NME1: variants seen among roughly 807,000 people sequenced by gnomAD.
The protein encoded by NME1 is nucleoside diphosphate kinase A.
A neutral mutation model predicts 17.2 loss-of-function variants in NME1; 9 were observed. That is an observed-to-expected ratio of 0.52 (90% CI 0.32 to 0.92). The LOEUF (loss-of-function observed/expected upper bound fraction) is 0.92. Ranked by LOEUF, NME1 falls within the 40% of genes least tolerant of loss-of-function variation. The probability of loss-of-function intolerance (pLI) is 0.04; values close to 1 mark genes in which losing one functional copy is unlikely to be tolerated. For missense variants in NME1, 169 were observed against 201.7 expected (o/e 0.84, Z 0.98); for synonymous variants, 72 against 70.8 (o/e 1.02, Z -0.09).
intron 1 of NME1, chr17:51,154,397 G>C (rs1433503341): frequency 6.2e-7 from 1 of 1,613,994 alleles, no homozygotes; most frequent in Non-Finnish European, 8.5e-7. Context: ...CTACTTTAGG[G>C]ATCGTCTTTC....
At chr17:51,159,355 CT>C (rs2049831695) in intron 2 of NME1, among the ~76,000 whole-genome samples, 1 of 152,184 alleles carries the variant, frequency 6.6e-6, no homozygotes, top group Non-Finnish European at 1.5e-5. Flanking sequence ...AGTCCCGGCC[CT>C]TTGGGAGGCC....
At chr17:51,160,931 G>C (rs2049856071) in intron 3 of NME1, among the ~76,000 whole-genome samples, 1 of 152,106 alleles carries the variant, frequency 6.6e-6, no homozygotes, top group Non-Finnish European at 1.5e-5. Context: ...TTTTAAGGAG[G>C]CTGCTCTGGT....
intron 3 of NME1, chr17:51,160,700 C>T: frequency 3.7e-6 from 1 of 271,678 alleles, no homozygotes. Context: ...AGCTCCACCT[C>T]CCGGGTTCAC....
intron 1 of NME1, chr17:51,154,347 TA>T (rs1430818108): frequency 1.2e-6 from 2 of 1,611,338 alleles, no homozygotes; most frequent in African/African-American, 2.7e-5. Flanking sequence ...AGAGGTTAAC[TA>T]AAGGACAGGA....
Position 51,155,704 on chromosome 17 carries a change from A to T in NME1, c.50A>T (p.Gln17Leu). Residue 17 changes from glutamine to leucine, a missense_variant, in exon 2 of 5, where the codon CAG (glutamine) becomes CTG (leucine). Transcript: ENST00000393196. ...ATTGCGATCAAACCAGATGGGGTCC[A>T]GCGGGGTCTTGTGGGAGAGATTATC... The part of the protein sequence containing the change: ...TFIAIKPDGV[Q>L]RGLVGEIIKR... 2 of 1,614,212 alleles carry T rather than the reference A, an allele frequency of 1.2e-6. No homozygotes were observed. The highest frequency in any genetic ancestry group is 1.3e-5 in the African/African-American group (1 of 75,072).
Position 51,162,010 on chromosome 17 carries a change from T to G in NME1, c.*165T>G. On this transcript the variant is annotated 3_prime_UTR_variant, in exon 5 of 5. Transcript: ENST00000393196. Reference sequence around the variant, plus strand: ...TGTACAGTGTTACCATCCCCGACCATCTGATTAAAATGCTTCCTCCCAGCA... The same window carrying G: ...TGTACAGTGTTACCATCCCCGACCAGCTGATTAAAATGCTTCCTCCCAGCA... 1 of 610,380 alleles carries G rather than the reference T, an allele frequency of 1.6e-6. No individual in the cohort carries two copies. The highest frequency in any genetic ancestry group is 2.9e-6 in the Non-Finnish European group (1 of 339,524). The allele number at this position is 610,380 out of a possible 1,614,324, so 37.8% of individuals were successfully genotyped here.
intron 2 of NME1, among the ~76,000 whole-genome samples, chr17:51,158,205 G>A (rs1172952988): frequency 2.0e-5 from 3 of 152,178 alleles, no homozygotes; most frequent in East Asian, 1.9e-4. Flanking sequence ...GCTTGAACTC[G>A]GGAGGTGGAG....
chr17:51,156,745 A>G (rs571376127), intron 2 of NME1, among the ~76,000 whole-genome samples: 2 of 152,150 alleles, frequency 1.3e-5, no homozygotes, highest in Admixed American at 6.5e-5. Flanking sequence ...TACAAAAATT[A>G]GCCAGGCGTG....
In NME1 at chr17:51,160,244, A is replaced by G. The variant is rs555306734; in HGVS notation, c.228+163A>G. 1.7e-5 allele frequency: 13 copies of G among 775,846 alleles called. No homozygotes were observed. In the South Asian group the frequency reaches 1.7e-4, roughly 10 times the overall value. The allele number at this position is 775,846 out of a possible 1,614,324, so 48.1% of individuals were successfully genotyped here. On this transcript the variant is annotated intron_variant, in intron 3 of 4. Transcript: ENST00000393196. ...TAGGCTTCAGAAATGAAATATGCCCAGAAATGAATAGGAGTAGCAAATGAT... is the reference window on the plus strand; with the variant it reads ...TAGGCTTCAGAAATGAAATATGCCCGGAAATGAATAGGAGTAGCAAATGAT...
intron 2 of NME1, among the ~76,000 whole-genome samples, chr17:51,159,087 CCTT>C (rs2049827761): frequency 6.6e-6 from 1 of 152,132 alleles, no homozygotes; most frequent in South Asian, 2.1e-4. Context: ...TTCCTGGTGT[CCTT>C]CTAACATTTT....
At chr17:51,158,545 A>G (rs989887662) in intron 2 of NME1, among the ~76,000 whole-genome samples, 1 of 152,246 alleles carries the variant, frequency 6.6e-6, no homozygotes, top group Non-Finnish European at 1.5e-5. Flanking sequence ...CTTCCACAAC[A>G]AAAGTCTTCC....
At chr17:51,155,623 T>C in intron 1 of NME1, 28 bp from the exon 2 acceptor site, 1 of 1,612,732 alleles carries the variant, frequency 6.2e-7, no homozygotes, top group South Asian at 1.1e-5. Flanking sequence ...TTCACTGCTG[T>C]TTCATTCCTC....
intron 2 of NME1, 93 bp from the exon 3 acceptor site, chr17:51,159,887 T>G (rs2049839945): frequency 1.3e-6 from 2 of 1,482,818 alleles, no homozygotes; most frequent in Non-Finnish European, 9.4e-7. Context: ...ACCGCTCATG[T>G]TTTACATAGC....
chr17:51,161,977 G>C lies in NME1; in HGVS notation c.*132G>C. The C allele has an allele frequency of 1.4e-6, 1 of 714,490 alleles. No homozygotes were observed. The highest frequency in any genetic ancestry group is 2.5e-6 in the Non-Finnish European group (1 of 395,540). 44.3% of individuals were successfully genotyped at this position (714,490 alleles called of 1,614,324 possible). On this transcript the variant is annotated 3_prime_UTR_variant, in exon 5 of 5. Transcript: ENST00000393196. ...TGGAGGGAAGCTCTTGGAGCTGTGAGTTCTCCCTGTACAGTGTTACCATCC... is the reference window on the plus strand; with the variant it reads ...TGGAGGGAAGCTCTTGGAGCTGTGACTTCTCCCTGTACAGTGTTACCATCC...
Position 51,160,045 on chromosome 17 carries a change from G to A in NME1, c.192G>A (p.Leu64=). 1 of 1,614,164 alleles carries A rather than the reference G, an allele frequency of 6.2e-7. No homozygotes were observed. The highest frequency in any genetic ancestry group is 8.5e-7 in the Non-Finnish European group (1 of 1,180,022). ...AGGACCGTCCATTCTTTGCCGGCCT[G>A]GTGAAATACATGCACTCAGGGCCGG... ...DLKDRPFFAG[L]VKYMHSGPVV... The change falls in exon 3 of 5, where the codon CTG becomes CTA. Residue 64 remains leucine (L), a synonymous_variant. Transcript: ENST00000393196.
intron 1 of NME1, among the ~76,000 whole-genome samples, chr17:51,155,115 G>T (rs1056785941): frequency 1.3e-5 from 2 of 150,778 alleles, no homozygotes; most frequent in African/African-American, 2.4e-5. Flanking sequence ...GTGGTGGCAC[G>T]CACCTGTAGT....
At position 51,162,060 on chromosome 17, in the gene NME1, C is replaced by T; in HGVS notation, c.*215C>T. 1 of 531,582 alleles carries T rather than the reference C, an allele frequency of 1.9e-6. No individual in the cohort carries two copies. The highest frequency in any genetic ancestry group is 3.3e-5 in the East Asian group (1 of 30,532). 32.9% of individuals were successfully genotyped at this position (531,582 alleles called of 1,614,324 possible). A position where few individuals can be genotyped will look rare whatever the true frequency, so the allele number is the denominator to read the frequency against. ...ATAGGATTCATTGAGTTGGTTACTT[C>T]ATATTGTTGCATTGCTTTTTTTTCC... On this transcript the variant is annotated 3_prime_UTR_variant, in exon 5 of 5. Transcript: ENST00000393196.
chr17:51,155,325 G>A (rs2049770058), intron 1 of NME1, among the ~76,000 whole-genome samples: 1 of 151,998 alleles, frequency 6.6e-6, no homozygotes, highest in South Asian at 2.1e-4. Flanking sequence ...GAGGTGGGCA[G>A]ATCACTTGAG....
intron 2 of NME1, among the ~76,000 whole-genome samples, chr17:51,156,892 CAAAA>C (rs71355724): frequency 4.6e-5 from 4 of 86,904 alleles, no homozygotes; most frequent in Non-Finnish European, 6.7e-5. Flanking sequence ...ACTCCATCTC[CAAAA>C]AAAAAAAAAA....
Sources: allele counts gnomAD v4.1 joint callset (sites outside exome capture counted in the v4.1 genomes callset), GRCh38; gene constraint gnomAD v4.1.1; transcripts MANE v1.5; gene names NCBI Gene and HGNC (gene_info 2026-07-23, HGNC 2026-07-21).